LIPK: variants seen among roughly 807,000 people sequenced by gnomAD.
The protein encoded by LIPK is lipase member K.
Under a neutral mutation model 48.6 loss-of-function variants are expected in LIPK, and 32 were observed. The ratio of observed to expected loss-of-function variants is 0.66; its 90% CI spans 0.50 to 0.88. The LOEUF is 0.88. Among genes scored for constraint, LIPK ranks in the 40% least tolerant of loss-of-function variants. The pLI, the probability that LIPK is intolerant of heterozygous loss-of-function variation, is 0.00. For synonymous variants in LIPK, 164 were observed against 157.4 expected (o/e 1.04, Z -0.32); for missense variants, 507 against 478.5 (o/e 1.06, Z -0.56).
Position 88,752,718 on chromosome 10 carries a change from G to A in LIPK, c.1162G>A (p.Asp388Asn), listed in dbSNP as rs759865007. The change falls in exon 10 of 10, where the codon GAC becomes AAC. Residue 388 changes from aspartate to asparagine, a missense_variant. Asp to Asn is a conservative substitution (Grantham distance 23, BLOSUM62 1). Coordinates refer to ENST00000404190, the MANE Select transcript of LIPK (RefSeq NM_001080518.2). ...GGATGCACCTCAGGAAATTTACCAA[G>A]ACCTAATTATATTGATGGAAGAATA... The part of the protein sequence containing the change: ...GEDAPQEIYQ[D>N]LIILMEEYLQ... 8 of 1,564,072 alleles carry A rather than the reference G, an allele frequency of 5.1e-6. No homozygotes were observed. The South Asian group carries it at 8.2e-5, about 16-fold the overall frequency.
chr10:88,732,105 C>A, intron 4 of LIPK, 73 bp from the exon 5 acceptor site: 1 of 950,256 alleles, frequency 1.1e-6, no homozygotes, highest in Non-Finnish European at 1.6e-6. Flanking sequence ...TATGTCTTCA[C>A]TGAACGTGTT....
intron 9 of LIPK, 137 bp downstream of exon 9, chr10:88,743,458 G>T: frequency 8.4e-6 from 5 of 591,956 alleles, no homozygotes; most frequent in Admixed American, 2.7e-5. Flanking sequence ...CTGCTTATTG[G>T]GTTCTTGCCA....
intron 9 of LIPK, 43 bp downstream of exon 9, chr10:88,743,364 A>G (rs1180545634): frequency 7.1e-7 from 1 of 1,411,326 alleles, no homozygotes; most frequent in Non-Finnish European, 9.8e-7. Context: ...CTGCAAATGA[A>G]CTAACAAAAA....
intron 9 of LIPK, among the ~76,000 whole-genome samples, chr10:88,750,928 A>T (rs1190551551): frequency 1.3e-5 from 2 of 152,184 alleles, no homozygotes; most frequent in Non-Finnish European, 2.9e-5. Flanking sequence ...ACAAACAAAC[A>T]AAAAACATGT....
At chr10:88,726,735 T>A in intron 2 of LIPK, 60 bp from the exon 3 acceptor site, 1 of 823,676 alleles carries the variant, frequency 1.2e-6, no homozygotes, top group Non-Finnish European at 2.0e-6. Flanking sequence ...ATGTTGTAAT[T>A]CATGTGTAAA....
intron 9 of LIPK, among the ~76,000 whole-genome samples, chr10:88,750,009 C>T (rs550634645): frequency 1.4e-4 from 21 of 152,268 alleles, no homozygotes; most frequent in African/African-American, 5.1e-4. Flanking sequence ...CATGAACAAA[C>T]ACTTCTCAAA....
chr10:88,738,881 G>C (rs1276881359), intron 7 of LIPK, among the ~76,000 whole-genome samples: 1 of 152,060 alleles, frequency 6.6e-6, no homozygotes, highest in African/African-American at 2.4e-5. Flanking sequence ...CATAGCCAGG[G>C]GTACATAAGT....
intron 8 of LIPK, among the ~76,000 whole-genome samples, chr10:88,741,783 A>G (rs1842684703): frequency 6.6e-6 from 1 of 152,194 alleles, no homozygotes; most frequent in Non-Finnish European, 1.5e-5. Flanking sequence ...AATCCTAAGA[A>G]AGAATGTTAC....
chr10:88,745,862 T>C (rs1288615918), intron 9 of LIPK, among the ~76,000 whole-genome samples: 3 of 152,182 alleles, frequency 2.0e-5, no homozygotes, highest in Admixed American at 6.5e-5. Flanking sequence ...AAGACCTAAC[T>C]GTATGCTGCC....
chr10:88,706,821 A>C (rs1241670821), intron 1 of LIPK, among the ~76,000 whole-genome samples: 1 of 152,156 alleles, frequency 6.6e-6, no homozygotes, highest in African/African-American at 2.4e-5. Context: ...GAGTGACACA[A>C]CTGCTTATGA....
intron 8 of LIPK, among the ~76,000 whole-genome samples, chr10:88,741,034 A>G (rs1362982803): frequency 6.6e-6 from 1 of 152,174 alleles, no homozygotes; most frequent in Non-Finnish European, 1.5e-5. Flanking sequence ...TCTTATGAGC[A>G]TGGCCTTCCA....
intron 1 of LIPK, among the ~76,000 whole-genome samples, chr10:88,713,070 A>G (rs1842052622): frequency 6.6e-6 from 1 of 152,186 alleles, no homozygotes; most frequent in African/African-American, 2.4e-5. Context: ...CACACAGGAG[A>G]CACAGTATAG....
rs780228039 is a variant in LIPK at position 88,726,844 on chromosome 10, C to A, written c.155C>A (p.Thr52Lys). Residue 52 changes from threonine to lysine, a missense_variant, in exon 3 of 10, where the codon ACA becomes AAA. By Grantham distance (78) the Thr-to-Lys change is moderately conservative (BLOSUM62 -1). Transcript: ENST00000404190. Reference protein sequence around the residue: ...WGYPYEEYDVTTKDGYILGIY... With the variant: ...WGYPYEEYDVKTKDGYILGIY... ...TATCCTTATGAAGAGTATGATGTTA[C>A]AACAAAAGATGGTTATATCCTTGGA... 1.9e-6 allele frequency: 3 copies of A among 1,608,594 alleles called. No homozygotes were observed. Among genetic ancestry groups the A allele is most frequent in the Non-Finnish European group, 2.6e-6 (3 of 1,176,008 alleles).
intron 6 of LIPK, among the ~76,000 whole-genome samples, chr10:88,735,873 A>G (rs1259952086): frequency 6.6e-6 from 1 of 152,206 alleles, no homozygotes; most frequent in Non-Finnish European, 1.5e-5. Flanking sequence ...TAAAGGAGAA[A>G]TTATTCACCT....
Position 88,752,632 on chromosome 10 carries a change from C to G in LIPK, c.1076C>G (p.Ala359Gly). Residue 359 changes from alanine to glycine, a missense_variant, in exon 10 of 10, where the codon GCT becomes GGT. Physicochemically the swap from Ala to Gly is moderately conservative, Grantham distance 60 (BLOSUM62 0). Coordinates refer to ENST00000404190, the MANE Select transcript of LIPK (RefSeq NM_001080518.2). ...KDVENLLPQI[A>G]NLIYYKLIPH... is the part of the protein sequence containing the mutation. ...GTTGAAAATTTACTTCCTCAAATTG[C>G]TAACCTTATTTATTACAAGCTGATT... The G allele has an allele frequency of 6.4e-7, 1 of 1,572,450 alleles. No homozygotes were observed. The highest frequency in any genetic ancestry group is 2.3e-5 in the East Asian group (1 of 43,448).
At chr10:88,729,178 G>T (rs1160128306) in intron 3 of LIPK, among the ~76,000 whole-genome samples, 1 of 131,094 alleles carries the variant, frequency 7.6e-6, no homozygotes, top group Non-Finnish European at 1.5e-5. Flanking sequence ...GACCCTATTA[G>T]TTCCTATCAG....
chr10:88,747,620 A>G (rs879760098), intron 9 of LIPK, among the ~76,000 whole-genome samples: 2 of 152,186 alleles, frequency 1.3e-5, no homozygotes, highest in Admixed American at 1.3e-4. Context: ...ACTTACCTCA[A>G]AATAATAAAA....
intron 1 of LIPK, among the ~76,000 whole-genome samples, chr10:88,711,212 T>G (rs1041422028): frequency 1.6e-4 from 25 of 152,194 alleles, no homozygotes; most frequent in African/African-American, 5.8e-4. Context: ...AAATATCTGT[T>G]GCAAATATTT....
At chr10:88,738,482 T>C (rs1381205544) in intron 7 of LIPK, among the ~76,000 whole-genome samples, 1 of 152,230 alleles carries the variant, frequency 6.6e-6, no homozygotes, top group Non-Finnish European at 1.5e-5. Context: ...TTTTTCTTGC[T>C]TTCAGGCAAG....
Sources: gnomAD v4.1 joint callset for allele counts (sites outside exome capture counted in the v4.1 genomes callset) on GRCh38, gnomAD v4.1.1 for gene constraint, MANE v1.5 for transcripts, NCBI Gene and HGNC (gene_info 2026-07-23, HGNC 2026-07-21) for gene names.